ANKFN1: variants seen among roughly 807,000 people sequenced by gnomAD.
ANKFN1 encodes ankyrin repeat and fibronectin type-III domain-containing protein 1.
In ANKFN1, 74 loss-of-function variants were observed where a neutral mutation model predicts 108.7. That is an observed-to-expected ratio of 0.68 (90% CI 0.56 to 0.83). ANKFN1 has a LOEUF of 0.83. Among genes scored for constraint, ANKFN1 ranks in the 40% least tolerant of loss-of-function variants. The probability of loss-of-function intolerance (pLI) is 0.00; values close to 1 mark genes in which losing one functional copy is unlikely to be tolerated. For missense variants in ANKFN1, 1,505 were observed against 1,382.3 expected, an observed-to-expected ratio of 1.09 and a Z score of -1.41; for synonymous variants, 547 against 516.2, an observed-to-expected ratio of 1.06 and a Z score of -0.81.
chr17:56,211,937 T>C (rs1178393372), intron 1 of ANKFN1, among the ~76,000 whole-genome samples: 1 of 152,196 alleles, frequency 6.6e-6, no homozygotes, highest in Non-Finnish European at 1.5e-5. Context: ...TACTGATATG[T>C]GTACATTAAT....
At chr17:56,500,574 T>C (rs1018823447) in intron 20 of ANKFN1, among the ~76,000 whole-genome samples, 2 of 152,200 alleles carry the variant, frequency 1.3e-5, no homozygotes, top group Non-Finnish European at 2.9e-5. Context: ...TAAACTCTTA[T>C]GATCAAAGAG....
chr17:56,439,675 G>C (rs1402033891), intron 8 of ANKFN1, among the ~76,000 whole-genome samples: 1 of 152,224 alleles, frequency 6.6e-6, no homozygotes, highest in Admixed American at 6.5e-5. Context: ...TAGGGGAAGA[G>C]AATGTTTTCA....
At chr17:56,332,504 A>G (rs1325904563) in intron 4 of ANKFN1, among the ~76,000 whole-genome samples, 1 of 152,156 alleles carries the variant, frequency 6.6e-6, no homozygotes, top group Non-Finnish European at 1.5e-5. Flanking sequence ...TACATTTTTC[A>G]GTATGGATAT....
chr17:56,512,272 A>G lies in ANKFN1; in HGVS notation c.*1003A>G, dbSNP rs1299656546. ...GCCCTGCAGATACGGTCAGTCAGCAATGGGCTCCTCACAACCCCACAGGCT... is the reference window on the plus strand; with the variant it reads ...GCCCTGCAGATACGGTCAGTCAGCAGTGGGCTCCTCACAACCCCACAGGCT... On this transcript the variant is annotated 3_prime_UTR_variant, in exon 21 of 21. Coordinates refer to ENST00000682825, the MANE Select transcript of ANKFN1 (RefSeq NM_001370326.1). Among the ~76,000 whole-genome samples the G allele has an allele frequency of 1.3e-5, 2 of 152,172 alleles. No homozygotes were observed. The highest frequency in any genetic ancestry group is 1.3e-4 in the Admixed American group (2 of 15,280).
At position 56,210,586 on chromosome 17, in the gene ANKFN1, TG is replaced by T. The variant is rs796738907; in HGVS notation, c.-70-2011del. Among the ~76,000 whole-genome samples the T allele has an allele frequency of 2.2e-3, 333 of 152,358 alleles. 3 individuals are homozygous for T. The highest frequency in any genetic ancestry group is 7.7e-3 in the African/African-American group (320 of 41,598). ...TCCTTAGCCCACTTTTGGATAGGAT[TG>T]TTTTTTTCTTGCTGATTTGTTTGAA... On this transcript the variant is annotated intron_variant, in intron 1 of 20. Coordinates refer to ENST00000682825, the MANE Select transcript of ANKFN1 (RefSeq NM_001370326.1).
chr17:56,055,582 T>TATATATATATATATATATATAC, intron 4 of ANKFN1, among the ~76,000 whole-genome samples: 2 of 112,490 alleles, frequency 1.8e-5, no homozygotes, highest in South Asian at 2.7e-4. Flanking sequence ...TATATATATA[T>TATATATATATATATATATATAC]ATATATGTAT....
At chr17:56,230,224 G>T (rs1916629256) in intron 3 of ANKFN1, among the ~76,000 whole-genome samples, 1 of 152,072 alleles carries the variant, frequency 6.6e-6, no homozygotes, top group Non-Finnish European at 1.5e-5. Flanking sequence ...GAGGAATAAG[G>T]CTGGGCGATG....
chr17:56,475,371 A>T (rs533085464), intron 15 of ANKFN1, among the ~76,000 whole-genome samples: 1 of 152,146 alleles, frequency 6.6e-6, no homozygotes, highest in Non-Finnish European at 1.5e-5. Context: ...TAGGGACTCA[A>T]TATGTGTTTG....
rs114492283 is a variant in ANKFN1 at position 56,500,780 on chromosome 17, T to G, written c.2644+1682T>G. 4.3e-3 allele frequency among the ~76,000 whole-genome samples: 651 copies of G among 152,310 alleles called. 5 individuals are homozygous for G. Among genetic ancestry groups the G allele is most frequent in the African/African-American group, 0.015 (607 of 41,570 alleles). ...TTCTTTTCTTTCTATTTAAAAACTA[T>G]ATATTTACTGGCCACCCTCTATGTG... On this transcript the variant is annotated intron_variant, in intron 20 of 20. Transcript: ENST00000682825.
intron 3 of ANKFN1, among the ~76,000 whole-genome samples, chr17:56,291,575 G>A (rs1191028834): frequency 6.6e-6 from 1 of 152,156 alleles, no homozygotes; most frequent in Admixed American, 6.5e-5. Context: ...TCATTTAGCT[G>A]GGCTGACCTG....
At chr17:56,116,287 C>T (rs576619423) in intron 4 of ANKFN1, among the ~76,000 whole-genome samples, 1 of 152,094 alleles carries the variant, frequency 6.6e-6, no homozygotes, top group South Asian at 2.1e-4. Context: ...ATAATAGGGC[C>T]TTATATAGCA....
At chr17:56,165,304 CGT>C (rs1189909915) in intron 1 of ANKFN1, among the ~76,000 whole-genome samples, 1 of 152,022 alleles carries the variant, frequency 6.6e-6, no homozygotes, top group Non-Finnish European at 1.5e-5. Context: ...CCATCGAGTC[CGT>C]GTTCCATGCT....
intron 3 of ANKFN1, among the ~76,000 whole-genome samples, chr17:56,244,084 A>C (rs534967596): frequency 6.6e-6 from 1 of 152,202 alleles, no homozygotes; most frequent in East Asian, 1.9e-4. Flanking sequence ...TCTGAGTGGC[A>C]TACATAGAAT....
chr17:56,252,828 C>T (rs139989202), intron 3 of ANKFN1, among the ~76,000 whole-genome samples: 19 of 146,132 alleles, frequency 1.3e-4, no homozygotes, highest in African/African-American at 4.8e-4. Context: ...TGGAGCCCCA[C>T]GAGGGAGGAT....
At chr17:56,345,629 T>A (rs2046078614) in intron 4 of ANKFN1, among the ~76,000 whole-genome samples, 1 of 152,218 alleles carries the variant, frequency 6.6e-6, no homozygotes, top group African/African-American at 2.4e-5. Flanking sequence ...TGATTTGCAT[T>A]TCTCTAATGA....
intron 1 of ANKFN1, among the ~76,000 whole-genome samples, chr17:56,189,179 T>TTTTTTTTTTTTTTTTTTTTGTTTTTTTG (rs1244013476): frequency 9.0e-6 from 1 of 111,400 alleles, no homozygotes; most frequent in African/African-American, 4.9e-5. Flanking sequence ...ACTTTTTTTT[T>TTTTTTTTTTTTTTTTTTTTGTTTTTTTG]TTTTTTTTTG....
chr17:56,251,871 A>G (rs909154111), intron 3 of ANKFN1, among the ~76,000 whole-genome samples: 1 of 152,202 alleles, frequency 6.6e-6, no homozygotes, highest in Non-Finnish European at 1.5e-5. Flanking sequence ...CTATTCAAGA[A>G]TGTATTCATC....
At position 56,506,474 on chromosome 17, in the gene ANKFN1, A is replaced by T. The variant is rs146926733; in HGVS notation, c.2645-3999A>T. 6.6e-4 allele frequency among the ~76,000 whole-genome samples: 101 copies of T among 152,198 alleles called. No homozygotes were observed. The South Asian group carries it at 9.1e-3, about 14-fold the overall frequency. ...ACAAGAAATGCTGACAGCCACCAGA[A>T]GCTAGAAGAGGCAAGAGAAAGTATT... is the stretch of plus-strand genomic sequence containing the variant. On this transcript the variant is annotated intron_variant, in intron 20 of 20. Coordinates refer to ENST00000682825, the MANE Select transcript of ANKFN1 (RefSeq NM_001370326.1).
At chr17:56,412,865 A>G (rs1428317691) in intron 8 of ANKFN1, among the ~76,000 whole-genome samples, 1 of 152,172 alleles carries the variant, frequency 6.6e-6, no homozygotes, top group Non-Finnish European at 1.5e-5. Flanking sequence ...CGTCTATCCT[A>G]TTAGTCCTGA....
Sources: gnomAD v4.1 joint callset for allele counts (sites outside exome capture counted in the v4.1 genomes callset) on GRCh38, gnomAD v4.1.1 for gene constraint, MANE v1.5 for transcripts, NCBI Gene and HGNC (gene_info 2026-07-23, HGNC 2026-07-21) for gene names.